Variants in FBXW10B observed in about 807,000 individuals in gnomAD.
The protein encoded by FBXW10B is F-box and WD repeat domain containing 10B.
At chr17:15,573,929 T>C in the FBXW10B span, 6 of 464,762 alleles carry the variant, frequency 1.3e-5, no homozygotes, top group Admixed American at 3.8e-5. Flanking sequence ...TGCAATGACA[T>C]TGTCATTTGT....
the FBXW10B span, among the ~76,000 whole-genome samples, chr17:15,579,907 GTT>G: frequency 1.0e-3 from 159 of 151,742 alleles, no homozygotes; most frequent in Non-Finnish European, 1.9e-3. Flanking sequence ...ACAAAACAAT[GTT>G]ATATTTAAAA....
At chr17:15,611,466 G>T in the FBXW10B span, among the ~76,000 whole-genome samples, 3 of 152,130 alleles carry the variant, frequency 2.0e-5, no homozygotes, top group Non-Finnish European at 4.4e-5. Context: ...GGGGCCTCAA[G>T]ACAATCTCTC....
the FBXW10B span, among the ~76,000 whole-genome samples, chr17:15,611,269 G>A: frequency 2.0e-5 from 3 of 152,110 alleles, no homozygotes; most frequent in South Asian, 2.1e-4. Context: ...TGATCCGCCC[G>A]CCTCGGCCTC....
the FBXW10B span, among the ~76,000 whole-genome samples, chr17:15,589,804 A>G: frequency 6.6e-6 from 1 of 152,142 alleles, no homozygotes; most frequent in East Asian, 1.9e-4. Context: ...GCAGTTGACC[A>G]TAAACCGTTA....
At chr17:15,616,503 TAAGAA>T in the FBXW10B span, among the ~76,000 whole-genome samples, 4 of 151,918 alleles carry the variant, frequency 2.6e-5, no homozygotes, top group African/African-American at 9.7e-5. Flanking sequence ...GAGTCTGCTC[TAAGAA>T]AAGAGAAGGT....
the FBXW10B span, among the ~76,000 whole-genome samples, chr17:15,618,698 G>A: frequency 1.3e-5 from 2 of 152,228 alleles, no homozygotes; most frequent in South Asian, 2.1e-4. Flanking sequence ...AGCATTAAGG[G>A]GTCAGGGGCA....
chr17:15,590,095 C>T, the FBXW10B span, among the ~76,000 whole-genome samples: 69 of 150,738 alleles, frequency 4.6e-4, no homozygotes, highest in Admixed American at 1.6e-3. Context: ...ATGGGGAGCC[C>T]GACCCCACCG....
chr17:15,574,782 TCTC>T, the FBXW10B span, among the ~76,000 whole-genome samples: 1 of 152,014 alleles, frequency 6.6e-6, no homozygotes, highest in African/African-American at 2.4e-5. Flanking sequence ...CTGCATCTGT[TCTC>T]CTTAGGCTGT....
chr17:15,575,179 G>C, the FBXW10B span, among the ~76,000 whole-genome samples: 4 of 148,582 alleles, frequency 2.7e-5, no homozygotes, highest in East Asian at 5.9e-4. Flanking sequence ...ATAAAACCAA[G>C]TGTTTTGCCC....
chr17:15,613,880 C>T, the FBXW10B span: 65 of 1,604,538 alleles, frequency 4.1e-5, no homozygotes, highest in Middle Eastern at 6.6e-4. Flanking sequence ...GATGAAGTCT[C>T]GGTATTTGCT....
the FBXW10B span, among the ~76,000 whole-genome samples, chr17:15,576,944 ATTTACTGAGGGT>A: frequency 1.4e-5 from 2 of 138,450 alleles, no homozygotes; most frequent in African/African-American, 5.6e-5. Context: ...CATTTTTCAA[ATTTACTGAGGGT>A]TTTACCAGTA....
At chr17:15,590,122 C>G in the FBXW10B span, among the ~76,000 whole-genome samples, 1 of 149,074 alleles carries the variant, frequency 6.7e-6, no homozygotes, top group South Asian at 2.1e-4. Flanking sequence ...AGCTGTGCAT[C>G]CTTCGCGGCT....
chr17:15,590,982 T>C, the FBXW10B span, among the ~76,000 whole-genome samples: 4 of 151,968 alleles, frequency 2.6e-5, no homozygotes, highest in Middle Eastern at 3.2e-3. Context: ...ATTACAGCCT[T>C]AGGGACAGGT....
the FBXW10B span, chr17:15,573,297 G>A: frequency 6.6e-6 from 1 of 152,172 alleles, no homozygotes; most frequent in Non-Finnish European, 1.5e-5. Flanking sequence ...GCCGATGCTT[G>A]TAGCATGAAG....
the FBXW10B span, among the ~76,000 whole-genome samples, chr17:15,593,704 C>T: frequency 2.6e-5 from 4 of 151,134 alleles, no homozygotes; most frequent in Non-Finnish European, 4.4e-5. Flanking sequence ...TCTTGGCTCA[C>T]TGCAACCTGC....
chr17:15,581,623 C>T, the FBXW10B span, among the ~76,000 whole-genome samples: 1 of 151,218 alleles, frequency 6.6e-6, no homozygotes, highest in East Asian at 1.9e-4. Flanking sequence ...AAGTGGATGA[C>T]CTAACCAGGC....
chr17:15,595,905 A>G, the FBXW10B span, among the ~76,000 whole-genome samples: 7 of 144,772 alleles, frequency 4.8e-5, no homozygotes, highest in African/African-American at 1.9e-4. Flanking sequence ...ACCCCATGCC[A>G]GAATGCAATA....
chr17:15,580,295 C>G, the FBXW10B span, among the ~76,000 whole-genome samples: 2 of 152,092 alleles, frequency 1.3e-5, no homozygotes, highest in African/African-American at 4.8e-5. Flanking sequence ...TATTATCACA[C>G]CTTGTTCAAC....
At chr17:15,590,120 A>C in the FBXW10B span, among the ~76,000 whole-genome samples, 1 of 149,172 alleles carries the variant, frequency 6.7e-6, no homozygotes, top group African/African-American at 2.5e-5. Flanking sequence ...TGAGCTGTGC[A>C]TCCTTCGCGG....
Sources: gnomAD v4.1 joint callset for allele counts (sites outside exome capture counted in the v4.1 genomes callset) on GRCh38, gnomAD v4.1.1 for gene constraint, MANE v1.5 for transcripts, NCBI Gene and HGNC (gene_info 2026-07-23, HGNC 2026-07-21) for gene names.